Variants in DDX60 observed in about 807,000 individuals in gnomAD.
DDX60 encodes the protein probable ATP-dependent RNA helicase DDX60.
In DDX60, 165 loss-of-function variants were observed where a neutral mutation model predicts 212.8. The observed-to-expected ratio is 0.78, with a 90% confidence interval of 0.68 to 0.88. The LOEUF (loss-of-function observed/expected upper bound fraction) is 0.88, where lower values mean the gene tolerates loss of function less well. DDX60 is among the 40% of genes least tolerant of loss of function. DDX60 has a pLI of 0.00. For synonymous variants in DDX60, 703 were observed against 685.3 expected (o/e 1.03, Z -0.40); for missense variants, 1,905 against 2,003.9 (o/e 0.95, Z 0.94).
Position 168,291,810 on chromosome 4 carries a change from T to C in DDX60, c.979A>G (p.Arg327Gly). ...GAAGTGATGACTCTAGCACAAGCTC[T>C]TTGAGAAAGAGGCAGATGGAGTAGA... ...VFLLHLPLSQ[R>G]ACARVITSHW... Residue 327 changes from arginine to glycine, a missense_variant, in exon 8 of 38, where the codon AGA (arginine) becomes GGA (glycine). Coordinates refer to ENST00000393743, the MANE Select transcript of DDX60 (RefSeq NM_017631.6). 1 of 1,613,850 alleles carries C rather than the reference T, an allele frequency of 6.2e-7. No individual in the cohort carries two copies. The highest frequency in any genetic ancestry group is 8.5e-7 in the Non-Finnish European group (1 of 1,179,870).
chr4:168,230,916 T>C (rs1733428312), intron 33 of DDX60, among the ~76,000 whole-genome samples: 1 of 151,794 alleles, frequency 6.6e-6, no homozygotes, highest in Admixed American at 6.6e-5. Context: ...GCTGGTTCTT[T>C]GAAAAAATAA....
chr4:168,261,043 T>G lies in DDX60; in HGVS notation c.3274-54A>C, dbSNP rs1397646618. On this transcript the variant is annotated intron_variant, in intron 24 of 37. Transcript: ENST00000393743. ...AGTTCTGCATGAGAAAGAAAGAAAT[T>G]ACTACTTTTTGCTAAAATATTTTCA... 3 of 1,549,906 alleles carry G rather than the reference T, an allele frequency of 1.9e-6. No homozygotes were observed. The Admixed American group carries it at 6.7e-5, about 35-fold the overall frequency.
At chr4:168,249,091 G>T (rs1734126468) in intron 28 of DDX60, among the ~76,000 whole-genome samples, 1 of 150,764 alleles carries the variant, frequency 6.6e-6, no homozygotes, top group African/African-American at 2.4e-5. Flanking sequence ...TAACTAGAAA[G>T]AAAATTTTTT....
At chr4:168,255,073 G>A (rs989773944) in intron 26 of DDX60, among the ~76,000 whole-genome samples, 6 of 152,060 alleles carry the variant, frequency 3.9e-5, no homozygotes, top group African/African-American at 1.4e-4. Flanking sequence ...AGGCTCTCAA[G>A]TCCAAAAAAA....
At position 168,288,316 on chromosome 4, in the gene DDX60, C is replaced by T. The variant is rs1195248101; in HGVS notation, c.1042-1G>A. Reference sequence around the variant, plus strand: ...AGATGAAATATTCACACCACTTTTTCTGAAAATTGAAAAGAAAACCAAGTT... The same window carrying T: ...AGATGAAATATTCACACCACTTTTTTTGAAAATTGAAAAGAAAACCAAGTT... On this transcript the variant is annotated splice_acceptor_variant, in intron 8 of 37. Coordinates refer to ENST00000393743, the MANE Select transcript of DDX60 (RefSeq NM_017631.6). LOFTEE classifies it high-confidence loss of function. 6.9e-7 allele frequency: 1 copy of T among 1,456,902 alleles called. No homozygotes were observed. Among genetic ancestry groups the T allele is most frequent in the East Asian group, 2.4e-5 (1 of 41,052 alleles). The allele number at this position is 1,456,902 out of a possible 1,614,324, so 90.2% of individuals were successfully genotyped here.
chr4:168,249,057 G>A (rs34665783), intron 28 of DDX60, among the ~76,000 whole-genome samples: 8,861 of 152,216 alleles, frequency 0.058, 440 homozygotes, highest in East Asian at 0.15. Flanking sequence ...ACTGCGCCAG[G>A]CCCAGTAAAT....
At position 168,277,742 on chromosome 4, in the gene DDX60, G is replaced by A. The variant is rs545677174; in HGVS notation, c.1979-1561C>T. On this transcript the variant is annotated intron_variant, in intron 14 of 37. Coordinates refer to ENST00000393743, the MANE Select transcript of DDX60 (RefSeq NM_017631.6). ...GAGAATGGCGTGAACCCAGGAGGCA[G>A]AGCTTGCAGTGAGCCGAGATAGTGC... Among the ~76,000 whole-genome samples the A allele has an allele frequency of 8.1e-5, 12 of 147,318 alleles. No homozygotes were observed. In the East Asian group the frequency reaches 2.2e-3, roughly 27 times the overall value.
chr4:168,277,027 G>C (rs1735371058), intron 14 of DDX60, among the ~76,000 whole-genome samples: 1 of 152,182 alleles, frequency 6.6e-6, no homozygotes. Flanking sequence ...GTGTGGAGAT[G>C]CTCAAAACTG....
At chr4:168,217,084 T>C (rs560349056) in intron 37 of DDX60, 52 bp from the exon 38 acceptor site, 18 of 1,198,066 alleles carry the variant, frequency 1.5e-5, no homozygotes, top group Admixed American at 4.7e-5. Context: ...TTGAATATTA[T>C]AAGAAAGGCT....
chr4:168,287,946 A>G (rs1390811158), intron 9 of DDX60, among the ~76,000 whole-genome samples: 1 of 152,174 alleles, frequency 6.6e-6, no homozygotes, highest in Non-Finnish European at 1.5e-5. Flanking sequence ...ACACGCAAAC[A>G]TATATTTTCT....
chr4:168,218,954 T>G (rs972633196), intron 37 of DDX60, among the ~76,000 whole-genome samples: 1 of 152,076 alleles, frequency 6.6e-6, no homozygotes, highest in African/African-American at 2.4e-5. Context: ...TCACTACACA[T>G]GTAAGAATTT....
intron 31 of DDX60, 52 bp downstream of exon 31, chr4:168,237,639 A>G: frequency 6.9e-7 from 1 of 1,454,804 alleles, no homozygotes; most frequent in African/African-American, 1.4e-5. Context: ...ATGATAAGAA[A>G]TCTAGATAGT....
chr4:168,250,916 C>T (rs200514047), intron 28 of DDX60, 38 bp downstream of exon 28: 10 of 1,489,946 alleles, frequency 6.7e-6, no homozygotes, highest in Non-Finnish European at 9.2e-6. Context: ...TTGAAACAGT[C>T]ACAATTTCAA....
chr4:168,313,659 T>G (rs920774175), intron 1 of DDX60, among the ~76,000 whole-genome samples: 2 of 152,168 alleles, frequency 1.3e-5, no homozygotes, highest in Non-Finnish European at 2.9e-5. Context: ...TAGCATCAGA[T>G]TCTACAAGAT....
chr4:168,276,464 A>G (rs1453816046), intron 14 of DDX60, among the ~76,000 whole-genome samples: 1 of 152,252 alleles, frequency 6.6e-6, no homozygotes, highest in Non-Finnish European at 1.5e-5. Flanking sequence ...TAGGAAGAAT[A>G]ACAAATATTT....
chr4:168,296,624 G>A (rs1736353674), intron 6 of DDX60, among the ~76,000 whole-genome samples: 2 of 151,942 alleles, frequency 1.3e-5, no homozygotes, highest in African/African-American at 2.4e-5. Context: ...TAAATTAATT[G>A]GATTGGATTA....
chr4:168,308,007 T>A lies in DDX60; in HGVS notation c.263A>T (p.Lys88Met), dbSNP rs759386469. The A allele has an allele frequency of 1.3e-6, 2 of 1,571,224 alleles. No homozygotes were observed. Among genetic ancestry groups the A allele is most frequent in the Non-Finnish European group, 1.7e-6 (2 of 1,168,208 alleles). ...KGGQFTIVFF[K>M]DAEYAYFNFP... ...AAAAGAACTCAACTATCATGTTACCTTGAAGAAAACTATGGTGAATTGTCC... is the reference window on the plus strand; with the variant it reads ...AAAAGAACTCAACTATCATGTTACCATGAAGAAAACTATGGTGAATTGTCC... The change falls in exon 4 of 38, where the codon AAG (lysine) becomes ATG (methionine). Residue 88 changes from lysine to methionine, a missense_variant and splice_region_variant. Transcript: ENST00000393743.
rs1404244270 is a variant in DDX60 at position 168,288,323 on chromosome 4, T to C, written c.1042-8A>G. 2 of 1,456,928 alleles carry C rather than the reference T, an allele frequency of 1.4e-6. No individual in the cohort carries two copies. The highest frequency in any genetic ancestry group is 1.9e-6 in the Non-Finnish European group (2 of 1,067,758). 90.3% of individuals were successfully genotyped at this position (1,456,928 alleles called of 1,614,324 possible). A position where few individuals can be genotyped will look rare whatever the true frequency, so the allele number is the denominator to read the frequency against. On this transcript the variant is annotated splice_polypyrimidine_tract_variant and splice_region_variant and intron_variant, in intron 8 of 37. Coordinates refer to ENST00000393743, the MANE Select transcript of DDX60 (RefSeq NM_017631.6). ...ATATTCACACCACTTTTTCTGAAAA[T>C]TGAAAAGAAAACCAAGTTATTGGCA...
intron 3 of DDX60, 99 bp downstream of exon 3, chr4:168,310,899 G>T (rs1579087138): frequency 1.5e-6 from 1 of 676,008 alleles, no homozygotes; most frequent in Non-Finnish European, 2.6e-6. Context: ...CCCCTACATT[G>T]TTCAATGGTC....
Sources: gnomAD v4.1 joint callset for allele counts (sites outside exome capture counted in the v4.1 genomes callset) on GRCh38, gnomAD v4.1.1 for gene constraint, MANE v1.5 for transcripts, NCBI Gene and HGNC (gene_info 2026-07-23, HGNC 2026-07-21) for gene names.